The following PRUNE2 variants were observed in gnomAD, a reference collection of about 807,000 sequenced individuals.
The protein encoded by PRUNE2 is prune homolog 2 with BCH domain.
In PRUNE2, 164 loss-of-function variants were observed where a neutral mutation model predicts 252.0. The observed-to-expected ratio is 0.65, with a 90% CI of 0.57 to 0.74. The LOEUF is 0.74. Ranked by LOEUF, PRUNE2 falls within the 30% of genes least tolerant of loss-of-function variation. The pLI, the probability that PRUNE2 is intolerant of heterozygous loss-of-function variation, is 0.00. For missense variants in PRUNE2, 3,495 were observed against 3,711.0 expected, an observed-to-expected ratio of 0.94 and a Z score of 1.51; for synonymous variants, 1,292 against 1,350.2, an observed-to-expected ratio of 0.96 and a Z score of 0.94.
intron 18 of PRUNE2, 141 bp downstream of exon 18, chr9:76,619,199 G>C: frequency 3.4e-6 from 2 of 593,246 alleles, no homozygotes; most frequent in Non-Finnish European, 3.0e-6. Flanking sequence ...TATAGCTTCA[G>C]GTTTCTAATT....
chr9:76,688,822 A>G (rs1424112656), intron 9 of PRUNE2, among the ~76,000 whole-genome samples: 1 of 152,166 alleles, frequency 6.6e-6, no homozygotes, highest in Non-Finnish European at 1.5e-5. Context: ...ATCCATCCTT[A>G]GCTTCTCCAG....
intron 9 of PRUNE2, among the ~76,000 whole-genome samples, chr9:76,676,676 C>T (rs913152148): frequency 2.6e-5 from 4 of 152,084 alleles, no homozygotes; most frequent in African/African-American, 4.8e-5. Context: ...AGATTCTATG[C>T]ACTTCTAGGA....
At chr9:76,769,501 T>C (rs2130907136) in intron 6 of PRUNE2, among the ~76,000 whole-genome samples, 2 of 148,262 alleles carry the variant, frequency 1.3e-5, no homozygotes, top group African/African-American at 5.0e-5. Context: ...CGGCTCGTCG[T>C]CGCAACCTCC....
At chr9:76,735,195 T>C (rs1280449515) in intron 6 of PRUNE2, among the ~76,000 whole-genome samples, 3 of 152,178 alleles carry the variant, frequency 2.0e-5, no homozygotes, top group Non-Finnish European at 4.4e-5. Flanking sequence ...AGCAGTTTGT[T>C]GTTTTCCTTA....
chr9:76,860,381 A>G (rs941204329), intron 1 of PRUNE2, among the ~76,000 whole-genome samples: 2 of 152,206 alleles, frequency 1.3e-5, no homozygotes. Context: ...GTTAGTATTT[A>G]CAAGTACAGT....
intron 6 of PRUNE2, among the ~76,000 whole-genome samples, chr9:76,774,806 T>C (rs1169837208): frequency 1.3e-5 from 2 of 152,134 alleles, no homozygotes; most frequent in African/African-American, 2.4e-5. Flanking sequence ...AAGTTAAATA[T>C]GGAGGAAACA....
chr9:76,825,146 T>C (rs879631222), intron 5 of PRUNE2, among the ~76,000 whole-genome samples: 10 of 152,170 alleles, frequency 6.6e-5, no homozygotes, highest in Non-Finnish European at 1.3e-4. Context: ...TAAGGCCCCC[T>C]GGGTCTGAGT....
chr9:76,730,717 T>C (rs1022533032), intron 6 of PRUNE2, among the ~76,000 whole-genome samples: 2 of 152,156 alleles, frequency 1.3e-5, no homozygotes, highest in Non-Finnish European at 2.9e-5. Context: ...CTGACCAATA[T>C]GGTGAAACCC....
chr9:76,732,301 C>T (rs1373676478), intron 6 of PRUNE2, among the ~76,000 whole-genome samples: 2 of 151,866 alleles, frequency 1.3e-5, no homozygotes, highest in Non-Finnish European at 2.9e-5. Flanking sequence ...AGCGAGACTC[C>T]GTCTCAAAAA....
chr9:76,627,992 G>T, intron 16 of PRUNE2: 1 of 187,658 alleles, frequency 5.3e-6, no homozygotes, highest in Non-Finnish European at 1.1e-5. Flanking sequence ...TAAAGTGAGA[G>T]GACTCTTTTT....
chr9:76,849,981 T>C (rs2059869394), intron 3 of PRUNE2, among the ~76,000 whole-genome samples: 1 of 152,154 alleles, frequency 6.6e-6, no homozygotes, highest in Admixed American at 6.5e-5. Flanking sequence ...GAAAAAGATA[T>C]TCCCTTTTCT....
intron 9 of PRUNE2, among the ~76,000 whole-genome samples, chr9:76,686,083 T>C (rs1417335148): frequency 4.6e-5 from 7 of 152,200 alleles, no homozygotes; most frequent in Admixed American, 3.9e-4. Flanking sequence ...CATTCAGTAA[T>C]CATACGGCTC....
At chr9:76,867,324 C>A (rs1428637022) in intron 1 of PRUNE2, among the ~76,000 whole-genome samples, 1 of 151,446 alleles carries the variant, frequency 6.6e-6, no homozygotes. Context: ...GGGTACCCAA[C>A]AAAGAAAAAA....
At chr9:76,764,540 A>C (rs1284080385) in intron 6 of PRUNE2, 1 of 152,212 alleles carries the variant, frequency 6.6e-6, no homozygotes, top group Non-Finnish European at 1.5e-5. Flanking sequence ...GGTGGGAAGG[A>C]CCTGATGATA....
chr9:76,712,952 G>T (rs2046853158), intron 7 of PRUNE2, among the ~76,000 whole-genome samples: 1 of 152,186 alleles, frequency 6.6e-6, no homozygotes, highest in Non-Finnish European at 1.5e-5. Flanking sequence ...AGAGAAATAA[G>T]TAATGAAGCA....
At chr9:76,841,209 A>G (rs778983252) in intron 4 of PRUNE2, among the ~76,000 whole-genome samples, 2 of 152,020 alleles carry the variant, frequency 1.3e-5, no homozygotes, top group Admixed American at 6.5e-5. Context: ...AGGAAGCACA[A>G]GGGGTCGGGG....
At chr9:76,840,246 T>C (rs2059306529) in intron 4 of PRUNE2, among the ~76,000 whole-genome samples, 2 of 152,088 alleles carry the variant, frequency 1.3e-5, no homozygotes, top group African/African-American at 2.4e-5. Context: ...GAAGGAAGAG[T>C]AGGCCCAACT....
intron 1 of PRUNE2, among the ~76,000 whole-genome samples, chr9:76,876,243 C>G (rs575552182): frequency 2.2e-4 from 33 of 152,306 alleles, no homozygotes; most frequent in African/African-American, 7.2e-4. Context: ...CAAAATTTCT[C>G]TGGATTTGAC....
chr9:76,883,490 T>C (rs2061912913), intron 1 of PRUNE2, among the ~76,000 whole-genome samples: 1 of 152,180 alleles, frequency 6.6e-6, no homozygotes, highest in Non-Finnish European at 1.5e-5. Context: ...ATAAGTGACA[T>C]TTAGCCTGGG....
Sources: gnomAD v4.1 joint callset for allele counts (sites outside exome capture counted in the v4.1 genomes callset) on GRCh38, gnomAD v4.1.1 for gene constraint, MANE v1.5 for transcripts, NCBI Gene and HGNC (gene_info 2026-07-23, HGNC 2026-07-21) for gene names.